Variants in TENM2 observed in about 807,000 individuals in gnomAD.
TENM2 encodes the protein teneurin transmembrane protein 2.
Under a neutral mutation model 245.2 loss-of-function variants are expected in TENM2, and 52 were observed. The ratio of observed to expected loss-of-function variants is 0.21; its 90% CI spans 0.17 to 0.27. The LOEUF (loss-of-function observed/expected upper bound fraction) is 0.27, where lower values mean the gene tolerates loss of function less well. TENM2 is among the 10% of genes least tolerant of loss of function. The pLI, the probability that TENM2 is intolerant of heterozygous loss-of-function variation, is 1.00. For missense variants in TENM2, 3,046 were observed against 3,666.8 expected, an observed-to-expected ratio of 0.83 and a Z score of 4.37; for synonymous variants, 1,363 against 1,438.9, an observed-to-expected ratio of 0.95 and a Z score of 1.19.
the TENM2 span, among the ~76,000 whole-genome samples, chr5:167,185,590 T>C: frequency 3.9e-5 from 6 of 152,144 alleles, no homozygotes; most frequent in African/African-American, 1.2e-4. Context: ...ATCACTATCA[T>C]AGATTTCAAG....
At chr5:167,047,546 T>G in the TENM2 span, among the ~76,000 whole-genome samples, 14 of 152,322 alleles carry the variant, frequency 9.2e-5, no homozygotes, top group Non-Finnish European at 1.3e-4. Context: ...AGAAGACTTT[T>G]ATATGTAAAT....
At chr5:167,291,090 C>T (rs1044261192) in intron 1 of TENM2, among the ~76,000 whole-genome samples, 29 of 152,092 alleles carry the variant, frequency 1.9e-4, no homozygotes, top group Admixed American at 4.6e-4. Context: ...AACTGTTATC[C>T]TCCCAGTAAT....
chr5:167,535,767 T>C (rs1233875157), intron 2 of TENM2, among the ~76,000 whole-genome samples: 2 of 152,216 alleles, frequency 1.3e-5, no homozygotes, highest in African/African-American at 4.8e-5. Context: ...ACCAGAACTA[T>C]GAGAAATAAG....
At chr5:167,306,198 A>C (rs1011139886) in intron 1 of TENM2, 3 of 152,202 alleles carry the variant, frequency 2.0e-5, no homozygotes, top group Non-Finnish European at 4.4e-5. Context: ...AGAATTATAG[A>C]TATGAGCAAT....
At chr5:167,180,154 G>A in the TENM2 span, among the ~76,000 whole-genome samples, 1 of 144,484 alleles carries the variant, frequency 6.9e-6, no homozygotes, top group South Asian at 2.1e-4. Context: ...GTTGCCCAGG[G>A]TGGAGTGCAA....
intron 2 of TENM2, among the ~76,000 whole-genome samples, chr5:167,845,239 CCACACACACACA>C (rs55784312): frequency 0.2 from 18,898 of 96,904 alleles, 2,027 homozygotes; most frequent in East Asian, 0.37. Context: ...CCCTCCCGCG[CCACACACACACA>C]CACACACACA....
intron 2 of TENM2, among the ~76,000 whole-genome samples, chr5:167,855,696 G>T (rs1211026371): frequency 7.5e-6 from 1 of 132,666 alleles, no homozygotes. Context: ...GAGGGAGGGT[G>T]GGAGGGAAGG....
At chr5:167,024,335 G>A in the TENM2 span, among the ~76,000 whole-genome samples, 4 of 152,308 alleles carry the variant, frequency 2.6e-5, no homozygotes, top group Non-Finnish European at 4.4e-5. Context: ...AGTTATTGAA[G>A]TGCCCTTGTT....
At chr5:167,254,069 T>C in the TENM2 span, among the ~76,000 whole-genome samples, 1 of 151,556 alleles carries the variant, frequency 6.6e-6, no homozygotes. Flanking sequence ...TTGGCTGACG[T>C]ATAGGAAAAA....
At chr5:167,512,635 C>T (rs958223427) in intron 2 of TENM2, among the ~76,000 whole-genome samples, 3 of 152,032 alleles carry the variant, frequency 2.0e-5, no homozygotes, top group Non-Finnish European at 4.4e-5. Flanking sequence ...TATGTTTAGC[C>T]TCCTAACTAC....
chr5:167,758,382 C>T (rs1214779607), intron 2 of TENM2, among the ~76,000 whole-genome samples: 3 of 152,150 alleles, frequency 2.0e-5, no homozygotes, highest in African/African-American at 4.8e-5. Context: ...TATCCTCTAG[C>T]TGATTGGCTC....
intron 3 of TENM2, among the ~76,000 whole-genome samples, chr5:167,919,089 GC>G (rs1474662927): frequency 1.3e-5 from 2 of 152,032 alleles, no homozygotes; most frequent in African/African-American, 4.8e-5. Context: ...TTGTCTGGGG[GC>G]CTCTCATATT....
At chr5:167,252,824 C>T in the TENM2 span, among the ~76,000 whole-genome samples, 1 of 152,120 alleles carries the variant, frequency 6.6e-6, no homozygotes, top group Non-Finnish European at 1.5e-5. Flanking sequence ...AGAGTTAATA[C>T]AATAGCCCTA....
chr5:167,254,286 C>T, the TENM2 span, among the ~76,000 whole-genome samples: 1 of 152,178 alleles, frequency 6.6e-6, no homozygotes, highest in East Asian at 1.9e-4. Context: ...TAGGGGTTGC[C>T]TCATTCAAAG....
intron 1 of TENM2, among the ~76,000 whole-genome samples, chr5:167,305,259 C>G (rs962240125): frequency 6.6e-6 from 1 of 152,156 alleles, no homozygotes; most frequent in Admixed American, 6.5e-5. Flanking sequence ...GCAGCTTTGC[C>G]GTCTGGACAC....
At chr5:167,065,266 T>C in the TENM2 span, among the ~76,000 whole-genome samples, 1 of 152,222 alleles carries the variant, frequency 6.6e-6, no homozygotes, top group Non-Finnish European at 1.5e-5. Context: ...ATTTTAATAA[T>C]CTAACAGCTT....
chr5:166,992,306 G>A, the TENM2 span, among the ~76,000 whole-genome samples: 6 of 152,094 alleles, frequency 3.9e-5, no homozygotes, highest in South Asian at 4.1e-4. Flanking sequence ...TCTTTTCCGA[G>A]GTTTGTTTGA....
intron 2 of TENM2, among the ~76,000 whole-genome samples, chr5:167,609,919 T>C (rs1777358551): frequency 6.6e-6 from 1 of 152,096 alleles, no homozygotes; most frequent in African/African-American, 2.4e-5. Flanking sequence ...TACATGGAGA[T>C]AGTGTTAGAT....
At chr5:167,339,570 CT>C (rs1397557784) in intron 1 of TENM2, among the ~76,000 whole-genome samples, 6 of 151,216 alleles carry the variant, frequency 4.0e-5, no homozygotes. Flanking sequence ...CAAATTCTGG[CT>C]TCTTTTTATT....
Sources: gnomAD v4.1 joint callset for allele counts (sites outside exome capture counted in the v4.1 genomes callset) on GRCh38, gnomAD v4.1.1 for gene constraint, MANE v1.5 for transcripts, NCBI Gene and HGNC (gene_info 2026-07-23, HGNC 2026-07-21) for gene names.